Variants in RNF213 observed in about 807,000 individuals in gnomAD.
RNF213 encodes the protein ring finger protein 213.
In RNF213, 341 loss-of-function variants were observed where a neutral mutation model predicts 514.4. The ratio of observed to expected loss-of-function variants is 0.66; its 90% CI spans 0.61 to 0.73. The LOEUF is 0.73. Among genes scored for constraint, RNF213 ranks in the 30% least tolerant of loss-of-function variants. RNF213 has a pLI of 0.00. For synonymous variants in RNF213, 2,655 were observed against 2,658.2 expected (o/e 1.00, Z 0.04); for missense variants, 5,767 against 6,615.6 (o/e 0.87, Z 4.45).
At chr17:80,261,835 A>G (rs534655160) in intron 1 of RNF213, among the ~76,000 whole-genome samples, 2 of 152,270 alleles carry the variant, frequency 1.3e-5, no homozygotes, top group East Asian at 1.9e-4. Context: ...CCTGGCCAAC[A>G]TGAAACCCCG....
At chr17:80,334,324 G>A (rs79268626) in intron 22 of RNF213, 54 bp downstream of exon 22, 71,997 of 1,486,378 alleles carry the variant, frequency 0.048, 1,932 homozygotes, top group Middle Eastern at 0.085. Flanking sequence ...TTCAGATGGC[G>A]CACTGTGTGG....
In RNF213 at chr17:80,291,662, A is replaced by G; in HGVS notation, c.1306A>G (p.Ile436Val). Residue 436 changes from isoleucine (I) to valine (V), a missense_variant, in exon 8 of 68, where the codon ATT becomes GTT. By Grantham distance (29) the Ile-to-Val change is conservative (BLOSUM62 3). This residue lies in a region of RNF213 where 592 missense variants were observed against 673.9 expected (regional missense o/e 0.88). Transcript: ENST00000582970. ...LGHDRVLVEGIVCISKKHLDK... is the reference protein window; with the variant it reads ...LGHDRVLVEGVVCISKKHLDK... ...TCATGACCGCGTTCTTGTTGAAGGC[A>G]TTGTCTGCATTTCCAAGAAGCACCT... 6.2e-7 allele frequency: 1 copy of G among 1,614,236 alleles called. No homozygotes were observed. The highest frequency in any genetic ancestry group is 8.5e-7 in the Non-Finnish European group (1 of 1,180,048).
intron 3 of RNF213, among the ~76,000 whole-genome samples, chr17:80,281,136 C>T (rs369583881): frequency 3.0e-4 from 42 of 137,878 alleles, no homozygotes; most frequent in African/African-American, 1.1e-3. Flanking sequence ...CACACCCCCA[C>T]ACCCCACTCA....
rs759416105 is a variant in RNF213 at position 80,319,984 on chromosome 17, T to C, written c.3024+672T>C. On this transcript the variant is annotated intron_variant, in intron 17 of 67. Coordinates refer to ENST00000582970, the MANE Select transcript of RNF213 (RefSeq NM_001256071.3). ...TAATTTTTTAAGTGACTGATACCTTTGATAAGGTTTTCCTTTCCCTTTTTC... is the reference window on the plus strand; with the variant it reads ...TAATTTTTTAAGTGACTGATACCTTCGATAAGGTTTTCCTTTCCCTTTTTC... 1.9e-4 allele frequency: 198 copies of C among 1,031,896 alleles called. 1 individual carries two copies. The Middle Eastern group carries it at 4.9e-3, about 25-fold the overall frequency. 63.9% of individuals were successfully genotyped at this position (1,031,896 alleles called of 1,614,324 possible).
rs75849277 is a variant in RNF213 at position 80,368,278 on chromosome 17, C to T, written c.12155+135C>T. On this transcript the variant is annotated intron_variant, in intron 44 of 67. Transcript: ENST00000582970. ...GACCTCAGAGAACTATCATAAGAGA[C>T]GCCACTTACGTACTTTCATAAATAT... 3.3e-4 allele frequency: 294 copies of T among 888,022 alleles called. No homozygotes were observed. In the African/African-American group the frequency reaches 4.2e-3, roughly 13 times the overall value. The allele number at this position is 888,022 out of a possible 1,614,324, so 55.0% of individuals were successfully genotyped here.
chr17:80,308,986 G>T (rs748858146), intron 13 of RNF213, 32 bp from the exon 14 acceptor site: 14 of 1,612,888 alleles, frequency 8.7e-6, no homozygotes, highest in Admixed American at 1.7e-5. Flanking sequence ...CTAAATCCTT[G>T]CCGGGATTTC....
At chr17:80,389,065 G>GC (rs5822351) in intron 64 of RNF213, 108 bp from the exon 65 acceptor site, 33 of 1,056,140 alleles carry the variant, frequency 3.1e-5, no homozygotes, top group Middle Eastern at 2.4e-4. Context: ...TAGAGAGTTG[G>GC]CCCCCCGCAT....
chr17:80,320,965 G>C (rs116626383), intron 17 of RNF213: 7,295 of 152,216 alleles, frequency 0.048, 188 homozygotes, highest in Middle Eastern at 0.058. Context: ...TCAACCTGGG[G>C]GACAGAGCAA....
At chr17:80,269,362 C>T (rs1223682473) in intron 2 of RNF213, among the ~76,000 whole-genome samples, 1 of 151,616 alleles carries the variant, frequency 6.6e-6, no homozygotes, top group African/African-American at 2.4e-5. Flanking sequence ...CCCTATCTGT[C>T]CACCTACCCT....
intron 41 of RNF213, 137 bp from the exon 42 acceptor site, chr17:80,364,294 CAT>C (rs975625736): frequency 3.1e-5 from 36 of 1,170,526 alleles, no homozygotes; most frequent in Non-Finnish European, 4.4e-5. Context: ...AAGTATGTCA[CAT>C]AGGGCTTGCT....
intron 14 of RNF213, 40 bp downstream of exon 14, chr17:80,309,211 G>A: frequency 6.2e-7 from 1 of 1,613,080 alleles, no homozygotes; most frequent in Non-Finnish European, 8.5e-7. Flanking sequence ...ACCCGGGATA[G>A]GTGCGGAATT....
chr17:80,383,983 G>GGCCT, intron 59 of RNF213, 55 bp downstream of exon 59: 1 of 1,607,614 alleles, frequency 6.2e-7, no homozygotes, highest in Non-Finnish European at 8.5e-7. Flanking sequence ...TTCCCCAGCA[G>GGCCT]GCCTGAAGGC....
At chr17:80,273,476 C>A (rs1309272102) in intron 3 of RNF213, 72 bp downstream of exon 3, 1 of 1,590,720 alleles carries the variant, frequency 6.3e-7, no homozygotes, top group Non-Finnish European at 8.5e-7. Context: ...CACAGCTGCC[C>A]AGCTAGCCCC....
chr17:80,288,327 GACC>G lies in RNF213; in HGVS notation c.778_780del (p.Thr260del). The G allele has an allele frequency of 6.2e-7, 1 of 1,612,832 alleles. No homozygotes were observed. Among genetic ancestry groups the G allele is most frequent in the Middle Eastern group, 1.7e-4 (1 of 6,042 alleles). On this transcript the variant is annotated inframe_deletion, in exon 4 of 68. Coordinates refer to ENST00000582970, the MANE Select transcript of RNF213 (RefSeq NM_001256071.3). This position sits in a 1 kb window ranked among gnomAD's most constrained non-coding sequence, Gnocchi z 4.9. ...GCTCTGAGCCCGGGACAGAACTGCAGACCACCGAGCAACAGGCAGGGGCCTCAG... is the reference window on the plus strand; with the variant it reads ...GCTCTGAGCCCGGGACAGAACTGCAGACCGAGCAACAGGCAGGGGCCTCAG...
chr17:80,303,567 CT>C (rs61546164), intron 11 of RNF213, among the ~76,000 whole-genome samples: 9,439 of 130,792 alleles, frequency 0.072, 492 homozygotes, highest in African/African-American at 0.19. Flanking sequence ...CTTTTCTTTT[CT>C]TTTTTTTTTT....
intron 61 of RNF213, among the ~76,000 whole-genome samples, chr17:80,386,047 CA>C (rs1180983804): frequency 6.6e-6 from 1 of 152,178 alleles, no homozygotes; most frequent in African/African-American, 2.4e-5. Flanking sequence ...AATAAACCCT[CA>C]GTACTCTTCA....
chr17:80,364,586 G>A (rs1012780767), intron 42 of RNF213, 33 bp downstream of exon 42: 9 of 1,613,622 alleles, frequency 5.6e-6, no homozygotes, highest in Admixed American at 5.0e-5. Context: ...GCACATGCAC[G>A]GATCCACCCT....
At chr17:80,310,112 A>G (rs2045515810) in intron 14 of RNF213, among the ~76,000 whole-genome samples, 1 of 150,118 alleles carries the variant, frequency 6.7e-6, no homozygotes, top group Non-Finnish European at 1.5e-5. Flanking sequence ...GACTTTCCCC[A>G]CTCACCCCCA....
chr17:80,385,007 A>T (rs774897347), intron 59 of RNF213, 32 bp from the exon 60 acceptor site: 1 of 1,613,574 alleles, frequency 6.2e-7, no homozygotes, highest in South Asian at 1.1e-5. Context: ...AGGTAAATAA[A>T]AATTGTTACT....
Sources: allele counts gnomAD v4.1 joint callset (sites outside exome capture counted in the v4.1 genomes callset), GRCh38; gene constraint gnomAD v4.1.1; regional missense constraint gnomAD v4.1.1; non-coding constraint Gnocchi (gnomAD v3.1); transcripts MANE v1.5; gene names NCBI Gene and HGNC (gene_info 2026-07-23, HGNC 2026-07-21).